PDS5A: variants seen among roughly 807,000 people sequenced by gnomAD.
PDS5A encodes the protein PDS5 cohesin associated factor A.
Under a neutral mutation model 167.1 loss-of-function variants are expected in PDS5A, and 42 were observed. That is an observed-to-expected ratio of 0.25 (90% confidence interval 0.20 to 0.33). The LOEUF (loss-of-function observed/expected upper bound fraction) is 0.33. Ranked by LOEUF, PDS5A falls within the 10% of genes least tolerant of loss-of-function variation. The probability of loss-of-function intolerance (pLI) is 1.00; values close to 1 mark genes in which losing one functional copy is unlikely to be tolerated. For missense variants in PDS5A, 1,033 were observed against 1,605.9 expected, an observed-to-expected ratio of 0.64 and a Z score of 6.10; for synonymous variants, 553 against 554.6, an observed-to-expected ratio of 1.00 and a Z score of 0.04.
At position 39,902,526 on chromosome 4, in the gene PDS5A, T is replaced by G; in HGVS notation, c.1386-66A>C. 6 of 732,934 alleles carry G rather than the reference T, an allele frequency of 8.2e-6. No homozygotes were observed. The East Asian group carries it at 1.7e-4, about 21-fold the overall frequency. The allele number at this position is 732,934 out of a possible 1,614,324, so 45.4% of individuals were successfully genotyped here. ...TTATTCCATTTTTAAGAAGCAATTT[T>G]TTTTTTTTTTTTTGGAGACAGGGTC... On this transcript the variant is annotated intron_variant, in intron 12 of 32. Transcript: ENST00000303538.
At chr4:39,865,739 G>C (rs1309892847) in intron 23 of PDS5A, among the ~76,000 whole-genome samples, 1 of 152,210 alleles carries the variant, frequency 6.6e-6, no homozygotes. Context: ...GACCTCAATT[G>C]ATCTGCCTGA....
chr4:39,843,206 T>C (rs571927256), intron 30 of PDS5A, among the ~76,000 whole-genome samples: 97 of 151,380 alleles, frequency 6.4e-4, no homozygotes, highest in East Asian at 3.3e-3. Flanking sequence ...GGGTCTTGCT[T>C]TGTCACCCAG....
intron 12 of PDS5A, among the ~76,000 whole-genome samples, chr4:39,903,831 C>T (rs1723081875): frequency 6.6e-6 from 1 of 152,010 alleles, no homozygotes; most frequent in Non-Finnish European, 1.5e-5. Context: ...ACCTTATAAT[C>T]GTGGACAGTC....
At chr4:39,862,374 C>A in intron 25 of PDS5A, 41 bp from the exon 26 acceptor site, 2 of 912,212 alleles carry the variant, frequency 2.2e-6, no homozygotes, top group South Asian at 1.6e-5. Flanking sequence ...TTATAAAATG[C>A]CTTAGTGGAC....
chr4:39,862,389 T>G, intron 25 of PDS5A, 56 bp from the exon 26 acceptor site: 1 of 703,130 alleles, frequency 1.4e-6, no homozygotes, highest in Non-Finnish European at 2.4e-6. Flanking sequence ...GTGGACTGAG[T>G]TCTAACCACT....
chr4:39,865,745 C>T (rs1719387848), intron 23 of PDS5A, among the ~76,000 whole-genome samples: 1 of 152,216 alleles, frequency 6.6e-6, no homozygotes, highest in South Asian at 2.1e-4. Flanking sequence ...AATTGATCTG[C>T]CTGACTTGGC....
chr4:39,917,270 A>T (rs1414370441), intron 7 of PDS5A, 82 bp from the exon 8 acceptor site: 4 of 895,756 alleles, frequency 4.5e-6, no homozygotes, highest in Non-Finnish European at 4.9e-6. Flanking sequence ...ATTTTTTATA[A>T]ATAATTTAAT....
At chr4:39,859,285 A>C (rs1718787718) in intron 26 of PDS5A, among the ~76,000 whole-genome samples, 1 of 152,250 alleles carries the variant, frequency 6.6e-6, no homozygotes, top group South Asian at 2.1e-4. Flanking sequence ...TTAAAAAAAC[A>C]AACAAACAAA....
At position 39,926,846 on chromosome 4, in the gene PDS5A, T is replaced by C. The variant is rs1725520426; in HGVS notation, c.358A>G (p.Ile120Val). 2 of 1,411,444 alleles carry C rather than the reference T, an allele frequency of 1.4e-6. No homozygotes were observed. The highest frequency in any genetic ancestry group is 3.2e-5 in the Admixed American group (1 of 31,106). 87.4% of individuals were successfully genotyped at this position (1,411,444 alleles called of 1,614,324 possible). Residue 120 changes from isoleucine (I) to valine (V), a missense_variant, in exon 4 of 33, where the codon ATT becomes GTT. Ile to Val is a conservative substitution (Grantham distance 29). This residue lies in a region of PDS5A where 388 missense variants were observed against 615.1 expected (regional missense o/e 0.63). Coordinates refer to ENST00000303538, the MANE Select transcript of PDS5A (RefSeq NM_001100399.2). ...TCCAAACCTTTTAATTGTCTGGTAATAAACAAAAATATGTCCTGTTAAAAA... is the reference window on the plus strand; with the variant it reads ...TCCAAACCTTTTAATTGTCTGGTAACAAACAAAAATATGTCCTGTTAAAAA... Reference protein sequence around the residue: ...HDKLKDIFLFITRQLKGLEDT... With the variant: ...HDKLKDIFLFVTRQLKGLEDT...
At chr4:39,872,944 C>A (rs1301031932) in intron 21 of PDS5A, 42 bp downstream of exon 21, 1 of 1,210,228 alleles carries the variant, frequency 8.3e-7, no homozygotes, top group Admixed American at 2.3e-5. Context: ...TGTAAACAGC[C>A]TTAATCTCAT....
intron 32 of PDS5A, among the ~76,000 whole-genome samples, chr4:39,834,832 C>T (rs1175507368): frequency 6.6e-6 from 1 of 152,142 alleles, no homozygotes; most frequent in South Asian, 2.1e-4. Flanking sequence ...AACTTTCTCA[C>T]GTTCCCCGAT....
rs1717952533 is a variant in PDS5A at position 39,849,743 on chromosome 4, A to G, written c.3087-91T>C. ...TTAGCTGGGAATTTCTGTTGTCTGA[A>G]TAAAATAAAATAAAATGATCAACCT... On this transcript the variant is annotated intron_variant, in intron 26 of 32. Coordinates refer to ENST00000303538, the MANE Select transcript of PDS5A (RefSeq NM_001100399.2). 12 of 689,722 alleles carry G rather than the reference A, an allele frequency of 1.7e-5. No individual in the cohort carries two copies. In the South Asian group the frequency reaches 2.8e-4, roughly 16 times the overall value. The allele number at this position is 689,722 out of a possible 1,614,324, so 42.7% of individuals were successfully genotyped here.
chr4:39,858,600 A>G (rs190093157), intron 26 of PDS5A, among the ~76,000 whole-genome samples: 93 of 152,352 alleles, frequency 6.1e-4, no homozygotes, highest in African/African-American at 1.9e-3. Flanking sequence ...GCTAAAAACT[A>G]TAAGTCATGG....
chr4:39,964,560 A>G (rs1365704711), intron 2 of PDS5A, among the ~76,000 whole-genome samples: 1 of 152,170 alleles, frequency 6.6e-6, no homozygotes, highest in African/African-American at 2.4e-5. Context: ...TAAAAAGTAC[A>G]TGGTGGGGTT....
At chr4:39,849,473 A>G (rs771510849) in intron 27 of PDS5A, 47 bp downstream of exon 27, 2 of 1,320,530 alleles carry the variant, frequency 1.5e-6, no homozygotes, top group Non-Finnish European at 2.1e-6. Context: ...GGGACAATAT[A>G]TTTTTCTATT....
At chr4:39,931,680 T>A (rs1726078936) in intron 2 of PDS5A, among the ~76,000 whole-genome samples, 1 of 152,162 alleles carries the variant, frequency 6.6e-6, no homozygotes, top group African/African-American at 2.4e-5. Flanking sequence ...TTTTACGACC[T>A]AACCTTGAAA....
intron 6 of PDS5A, among the ~76,000 whole-genome samples, chr4:39,922,243 C>T (rs753245210): frequency 1.3e-5 from 2 of 152,156 alleles, no homozygotes; most frequent in African/African-American, 4.8e-5. Context: ...AGGTACGATA[C>T]GGATTCTGAA....
chr4:39,832,566 C>G (rs1716003993), intron 32 of PDS5A, among the ~76,000 whole-genome samples: 1 of 151,984 alleles, frequency 6.6e-6, no homozygotes, highest in Non-Finnish European at 1.5e-5. Context: ...TGATCAGGAT[C>G]TAGTTTGAGG....
At chr4:39,947,850 C>T (rs1454099107) in intron 2 of PDS5A, among the ~76,000 whole-genome samples, 1 of 152,166 alleles carries the variant, frequency 6.6e-6, no homozygotes, top group Non-Finnish European at 1.5e-5. Context: ...TGATGGAACA[C>T]CTCCCAGTAG....
Sources: allele counts gnomAD v4.1 joint callset (sites outside exome capture counted in the v4.1 genomes callset), GRCh38; gene constraint gnomAD v4.1.1; regional missense constraint gnomAD v4.1.1; transcripts MANE v1.5; gene names NCBI Gene and HGNC (gene_info 2026-07-23, HGNC 2026-07-21).